The following CDKL4 variants were observed in gnomAD, a reference collection of about 807,000 sequenced individuals.
CDKL4 encodes cyclin-dependent kinase-like 4.
CDKL4 carries 44 observed loss-of-function variants against 42.0 expected under a neutral mutation model. That is an observed-to-expected ratio of 1.05 (90% confidence interval 0.82 to 1.35). The LOEUF is 1.35. Among genes scored for constraint, CDKL4 ranks in the 40% most tolerant of loss-of-function variants. The pLI is 0.00. For missense variants in CDKL4, 393 were observed against 369.9 expected (o/e 1.06, Z -0.51); for synonymous variants, 120 against 121.6 (o/e 0.99, Z 0.09).
In CDKL4 at chr2:39,231,239, C is replaced by T. The variant is rs991120213; in HGVS notation, c.-56-1651G>A. Among the ~76,000 whole-genome samples, 127 of 152,142 alleles carry T rather than the reference C, an allele frequency of 8.3e-4. 2 individuals carry two copies. The highest frequency in any genetic ancestry group is 4.8e-3 in the Admixed American group (73 of 15,280). On this transcript the variant is annotated intron_variant, in intron 1 of 9. Transcript: ENST00000451199. Reference sequence around the variant, plus strand: ...AAACAAAAACAAACAAACAAACAAACAAACAAAAAGAATGTATAATTCGAA... The same window carrying T: ...AAACAAAAACAAACAAACAAACAAATAAACAAAAAGAATGTATAATTCGAA...
At chr2:39,176,447 C>T (rs1023920529) in intron 9 of CDKL4, among the ~76,000 whole-genome samples, 2 of 152,122 alleles carry the variant, frequency 1.3e-5, no homozygotes, top group African/African-American at 4.8e-5. Flanking sequence ...GTTTTTTCGA[C>T]ACCATTTCAC....
chr2:39,204,413 T>C (rs1363639325), intron 5 of CDKL4, 114 bp downstream of exon 5: 6 of 700,004 alleles, frequency 8.6e-6, no homozygotes, highest in Admixed American at 5.5e-5. Context: ...ATTTTCCTTT[T>C]TGAATAACAA....
intron 9 of CDKL4, among the ~76,000 whole-genome samples, chr2:39,176,651 C>G (rs1179205769): frequency 2.0e-5 from 3 of 152,160 alleles, no homozygotes; most frequent in African/African-American, 7.2e-5. Context: ...CCAGGCTGGT[C>G]TTGAACTCCT....
chr2:39,217,688 C>T lies in CDKL4; in HGVS notation c.291-4216G>A, dbSNP rs115835402. Among the ~76,000 whole-genome samples the T allele has an allele frequency of 7.4e-3, 1,118 of 151,732 alleles. 12 individuals are homozygous for T. The highest frequency in any genetic ancestry group is 0.026 in the African/African-American group (1,069 of 41,382). On this transcript the variant is annotated intron_variant, in intron 3 of 9. Transcript: ENST00000451199. ...TATTTTCTGCTATTCTCTGAACATGCCAGGCTTATTTTATTATTTATTTAT... is the reference window on the plus strand; with the variant it reads ...TATTTTCTGCTATTCTCTGAACATGTCAGGCTTATTTTATTATTTATTTAT...
intron 9 of CDKL4, 67 bp downstream of exon 9, chr2:39,179,120 A>T: frequency 1.3e-6 from 2 of 1,558,498 alleles, no homozygotes; most frequent in Non-Finnish European, 1.7e-6. Context: ...TCTCACTTTG[A>T]AAGGCAGACA....
At chr2:39,193,577 G>T (rs1352897676) in intron 5 of CDKL4, among the ~76,000 whole-genome samples, 1 of 152,032 alleles carries the variant, frequency 6.6e-6, no homozygotes, top group African/African-American at 2.4e-5. Context: ...GTTTCTCCAT[G>T]TGGGTCAGGC....
chr2:39,181,826 A>G (rs773200871), intron 8 of CDKL4, among the ~76,000 whole-genome samples: 2 of 152,118 alleles, frequency 1.3e-5, no homozygotes, highest in African/African-American at 4.8e-5. Flanking sequence ...GAACCTTGCC[A>G]AGAGTTTTCA....
chr2:39,228,335 T>A (rs746396688), intron 2 of CDKL4, among the ~76,000 whole-genome samples: 5 of 152,166 alleles, frequency 3.3e-5, no homozygotes, highest in Non-Finnish European at 7.3e-5. Context: ...GATGTGTTCC[T>A]GAAGACTGTA....
intron 1 of CDKL4, among the ~76,000 whole-genome samples, chr2:39,235,683 G>T (rs1405908963): frequency 6.6e-6 from 1 of 152,140 alleles, no homozygotes; most frequent in Non-Finnish European, 1.5e-5. Flanking sequence ...GGAGTTCAAG[G>T]TTATAGTACT....
At chr2:39,221,013 G>GT (rs373203432) in intron 3 of CDKL4, among the ~76,000 whole-genome samples, 17,638 of 71,452 alleles carry the variant, frequency 0.25, 1,355 homozygotes, top group Non-Finnish European at 0.31. Flanking sequence ...TTTTTTTTTT[G>GT]TTTTGTTTTT....
intron 5 of CDKL4, among the ~76,000 whole-genome samples, chr2:39,200,620 G>A (rs889655352): frequency 1.3e-5 from 2 of 152,108 alleles, no homozygotes; most frequent in Non-Finnish European, 2.9e-5. Flanking sequence ...AAAGCAGTAT[G>A]GTATTGGTAT....
chr2:39,186,244 T>G (rs1344087986), intron 7 of CDKL4, among the ~76,000 whole-genome samples: 1 of 152,202 alleles, frequency 6.6e-6, no homozygotes, highest in Non-Finnish European at 1.5e-5. Context: ...AACCAGTATA[T>G]AAATCAAGAT....
At chr2:39,232,596 G>A (rs1361100429) in intron 1 of CDKL4, among the ~76,000 whole-genome samples, 1 of 152,150 alleles carries the variant, frequency 6.6e-6, no homozygotes, top group African/African-American at 2.4e-5. Flanking sequence ...GTGGTGGGGG[G>A]CTTTGAGGTA....
chr2:39,205,759 CAAAAAAAAAAA>C (rs1167041058), intron 4 of CDKL4, among the ~76,000 whole-genome samples: 1 of 78,690 alleles, frequency 1.3e-5, no homozygotes. Flanking sequence ...GACTCCGTCT[CAAAAAAAAAAA>C]AAAAAAAAAA....
At chr2:39,245,230 G>T (rs1370190572), upstream of CDKL4, among the ~76,000 whole-genome samples, 1 of 152,194 alleles carries the variant, frequency 6.6e-6, no homozygotes, top group Admixed American at 6.5e-5. Flanking sequence ...TCACCGCGAA[G>T]ATCTGCAGCT....
intron 1 of CDKL4, among the ~76,000 whole-genome samples, chr2:39,233,060 A>AG (rs1170136078): frequency 4.0e-4 from 29 of 73,096 alleles, no homozygotes; most frequent in African/African-American, 1.2e-3. Context: ...AAAAAAAAAA[A>AG]AAAGAAAGAA....
chr2:39,205,775 A>AAG (rs1553386225), intron 4 of CDKL4, among the ~76,000 whole-genome samples: 1 of 150,520 alleles, frequency 6.6e-6, no homozygotes, highest in East Asian at 2.0e-4. Flanking sequence ...AAAAAAAAAA[A>AAG]AAAAAGAAAG....
At position 39,179,285 on chromosome 2, in the gene CDKL4, AG is replaced by A; in HGVS notation, c.828del (p.Cys277ValfsTer58). On this transcript the variant is annotated frameshift_variant, in exon 9 of 10. Transcript: ENST00000451199. LOFTEE classifies it high-confidence loss of function. ...TAGGAGCTCTCCAGGAGTTGGGAAC[AG>A]GTTAATCTGTCATCTGGATTCATCT... The A allele has an allele frequency of 7.5e-6, 12 of 1,609,034 alleles. No individual in the cohort carries two copies. The highest frequency in any genetic ancestry group is 9.3e-6 in the Non-Finnish European group (11 of 1,178,938).
chr2:39,170,658 T>C (rs962389874), downstream of CDKL4, among the ~76,000 whole-genome samples: 6 of 152,108 alleles, frequency 3.9e-5, no homozygotes, highest in Admixed American at 1.3e-4. Flanking sequence ...GGTTTCGCCA[T>C]GTTGGCCAGG....
Sources: allele counts gnomAD v4.1 joint callset (sites outside exome capture counted in the v4.1 genomes callset), GRCh38; gene constraint gnomAD v4.1.1; transcripts MANE v1.5; gene names NCBI Gene and HGNC (gene_info 2026-07-23, HGNC 2026-07-21).